The following SOCS1 variants were observed in gnomAD, a reference collection of about 807,000 sequenced individuals.
The protein encoded by SOCS1 is suppressor of cytokine signaling 1, also known as JAK binding protein.
SOCS1 carries 3 observed loss-of-function variants against 9.7 expected under a neutral mutation model. The ratio of observed to expected loss-of-function variants is 0.31; its 90% confidence interval spans 0.14 to 0.80. SOCS1 has a LOEUF of 0.80. Ranked by LOEUF, SOCS1 falls within the 30% of genes least tolerant of loss-of-function variation. The pLI is 0.61. For synonymous variants in SOCS1, 194 were observed against 150.2 expected (o/e 1.29, Z -2.13); for missense variants, 368 against 324.7 (o/e 1.13, Z -1.02).
chr16:11,255,382 G>T lies in SOCS1; in HGVS notation c.97C>A (p.Pro33Thr). The T allele has an allele frequency of 7.5e-7, 1 of 1,338,916 alleles. No individual in the cohort carries two copies. 82.9% of individuals were successfully genotyped at this position (1,338,916 alleles called of 1,614,324 possible). Residue 33 changes from proline to threonine, a missense_variant, in exon 2 of 2, where the codon CCC becomes ACC. Coordinates refer to ENST00000332029, the MANE Select transcript of SOCS1 (RefSeq NM_003745.2). Reference sequence around the variant, plus strand: ...GGCCGCGGGCGCGCGGGGGCCGCGGGCGAGGAGGAGGAAGAGGAGGAAGGT... The same window carrying T: ...GGCCGCGGGCGCGCGGGGGCCGCGGTCGAGGAGGAGGAAGAGGAGGAAGGT... Reference protein sequence around the residue: ...PEPSSSSSSSPAAPARPRPCP... With the variant: ...PEPSSSSSSSTAAPARPRPCP...
Position 11,255,010 on chromosome 16 carries a change from C to T in SOCS1, c.469G>A (p.Ala157Thr), listed in dbSNP as rs755312920. ...GGGGCCCCCAGCATGCGGCGCGGCG[C>T]CGCCACGTAGTGCTCCAGCAGCTCG... ...LFELLEHYVA[A>T]PRRMLGAPLR... Residue 157 changes from alanine to threonine, a missense_variant, in exon 2 of 2, where the codon GCG becomes ACG. By Grantham distance (58) the Ala-to-Thr change is moderately conservative. Transcript: ENST00000332029. 122 of 1,581,396 alleles carry T rather than the reference C, an allele frequency of 7.7e-5. No homozygotes were observed. The Admixed American group carries it at 2.1e-3, about 27-fold the overall frequency.
intron 1 of SOCS1, 113 bp from the exon 2 acceptor site, chr16:11,255,641 C>G (rs2069591288): frequency 5.0e-6 from 2 of 398,000 alleles, no homozygotes; most frequent in South Asian, 1.4e-4. Flanking sequence ...AGGGGGCGAG[C>G]ACGGAGCACC....
rs188754154 is a variant in SOCS1 at position 11,255,517 on chromosome 16, T to A, written c.-39A>T. ...CCAGCCGGAGGGGTGGGCCATAGCG[T>A]CCGGGGGTGCGCTGCGGGAGAGACA... On this transcript the variant is annotated 5_prime_UTR_variant, in exon 2 of 2. Coordinates refer to ENST00000332029, the MANE Select transcript of SOCS1 (RefSeq NM_003745.2). The A allele has an allele frequency of 4.1e-3, 4,877 of 1,191,088 alleles. 17 individuals carry two copies. Among genetic ancestry groups the A allele is most frequent in the Admixed American group, 6.6e-3 (155 of 23,618 alleles). 73.8% of individuals were successfully genotyped at this position (1,191,088 alleles called of 1,614,324 possible).
intron 1 of SOCS1, chr16:11,255,871 G>T (rs916994905): frequency 2.2e-4 from 38 of 171,328 alleles, no homozygotes; most frequent in Non-Finnish European, 4.3e-4. Context: ...TGGGATCCGC[G>T]CCTGGTCTGG....
intron 1 of SOCS1, 31 bp from the exon 2 acceptor site, chr16:11,255,559 C>T (rs996631671): frequency 8.9e-6 from 8 of 897,528 alleles, no homozygotes; most frequent in African/African-American, 8.7e-5. Flanking sequence ...TGAGCTGGGG[C>T]GCTGCGGGGC....
chr16:11,255,750 G>A (rs2069592971), intron 1 of SOCS1: 1 of 313,986 alleles, frequency 3.2e-6, no homozygotes, highest in Non-Finnish European at 5.8e-6. Flanking sequence ...CGGTGGAGGC[G>A]GAGTCCGGCC....
In SOCS1 at chr16:11,254,684, G is replaced by GA; in HGVS notation, c.*158_*159insT. 5.6e-6 allele frequency: 6 copies of GA among 1,065,484 alleles called. No homozygotes were observed. Among genetic ancestry groups the GA allele is most frequent in the Non-Finnish European group, 7.4e-6 (6 of 810,236 alleles). 66.0% of individuals were successfully genotyped at this position (1,065,484 alleles called of 1,614,324 possible). A position where few individuals can be genotyped will look rare whatever the true frequency, so the allele number is the denominator to read the frequency against. On this transcript the variant is annotated 3_prime_UTR_variant, in exon 2 of 2. Coordinates refer to ENST00000332029, the MANE Select transcript of SOCS1 (RefSeq NM_003745.2). ...CCCCTCAAGAGGTGAGAAGGGGTCT[G>GA]CGGCCTCGTCTCCAGCCGAGGGCGG...
In SOCS1 at chr16:11,254,963, C is replaced by G. The variant is rs2141124434; in HGVS notation, c.516G>C (p.Arg172=). The change falls in exon 2 of 2, where the codon CGG becomes CGC. Residue 172 remains arginine, a synonymous_variant. Coordinates refer to ENST00000332029, the MANE Select transcript of SOCS1 (RefSeq NM_003745.2). ...LGAPLRQRRV[R]PLQELCRQRI... ...GCTGGCGGCACAGCTCCTGCAGCGG[C>G]CGCACGCGGCGCTGGCGCAGCGGGG... 6.6e-7 allele frequency: 1 copy of G among 1,510,436 alleles called. No homozygotes were observed. Among genetic ancestry groups the G allele is most frequent in the Non-Finnish European group, 8.8e-7 (1 of 1,135,990 alleles). 93.6% of individuals were successfully genotyped at this position (1,510,436 alleles called of 1,614,324 possible).
At position 11,254,781 on chromosome 16, in the gene SOCS1, C is replaced by G. The variant is rs907461367; in HGVS notation, c.*62G>C. The G allele has an allele frequency of 1.4e-6, 2 of 1,420,164 alleles. No individual in the cohort carries two copies. The highest frequency in any genetic ancestry group is 1.7e-5 in the South Asian group (1 of 59,216). 88.0% of individuals were successfully genotyped at this position (1,420,164 alleles called of 1,614,324 possible). A position where few individuals can be genotyped will look rare whatever the true frequency, so the allele number is the denominator to read the frequency against. The stretch of plus-strand genomic sequence containing the variant: ...GGGAGGGTACCCACATGGTTCCAGG[C>G]AAGTAATAACAAAATAACACGGCAT... On this transcript the variant is annotated 3_prime_UTR_variant, in exon 2 of 2. Transcript: ENST00000332029.
chr16:11,255,682 GAC>G (rs2069592187), intron 1 of SOCS1, 154 bp from the exon 2 acceptor site: 1 of 381,322 alleles, frequency 2.6e-6, no homozygotes, highest in African/African-American at 2.1e-5. Context: ...AGCCTCAGTG[GAC>G]ACAGCTAGAA....
Position 11,255,426 on chromosome 16 carries a change from T to A in SOCS1, c.53A>T (p.Glu18Val), listed in dbSNP as rs755719591. Residue 18 changes from glutamate (E) to valine (V), a missense_variant, in exon 2 of 2, where the codon GAG becomes GTG. Transcript: ENST00000332029. ...GGAAGGTTCTGGCCGCCGTCGGGGC[T>A]CTGCTGCTGTGGAGACTGCATTGTC... ...AADNAVSTAAEPRRRPEPSSS... is the reference protein window; with the variant it reads ...AADNAVSTAAVPRRRPEPSSS... 1.5e-6 allele frequency: 2 copies of A among 1,328,848 alleles called. No homozygotes were observed. The highest frequency in any genetic ancestry group is 1.9e-6 in the Non-Finnish European group (2 of 1,044,730). The allele number at this position is 1,328,848 out of a possible 1,614,324, so 82.3% of individuals were successfully genotyped here. A position where few individuals can be genotyped will look rare whatever the true frequency, so the allele number is the denominator to read the frequency against.
chr16:11,255,083 G>A lies in SOCS1; in HGVS notation c.396C>T (p.Ala132=), dbSNP rs1159372499. ...GPTSIRVHFQ[A]GRFHLDGSRE... ...GGCTGCCATCCAGGTGAAAGCGGCC[G>A]GCCTGAAAGTGCACGCGGATGCTCG... The change falls in exon 2 of 2, where the codon GCC becomes GCT. Residue 132 remains alanine (A), a synonymous_variant. Transcript: ENST00000332029. 6.8e-6 allele frequency: 11 copies of A among 1,609,870 alleles called. No individual in the cohort carries two copies. The highest frequency in any genetic ancestry group is 1.3e-5 in the African/African-American group (1 of 74,302).
At position 11,255,635 on chromosome 16, in the gene SOCS1, G is replaced by A. The variant is rs2069591128; in HGVS notation, c.-50-107C>T. The A allele has an allele frequency of 1.7e-5, 7 of 406,002 alleles. No homozygotes were observed. The South Asian group carries it at 9.3e-4, about 54-fold the overall frequency. The allele number at this position is 406,002 out of a possible 1,614,324, so 25.1% of individuals were successfully genotyped here. The stretch of plus-strand genomic sequence containing the variant: ...GCTCCCGGCGGACCCGGCCCTAGGG[G>A]GCGAGCACGGAGCACCAAGTCCGCG... On this transcript the variant is annotated intron_variant, in intron 1 of 1. Coordinates refer to ENST00000332029, the MANE Select transcript of SOCS1 (RefSeq NM_003745.2).
intron 1 of SOCS1, chr16:11,255,795 G>A (rs1453660108): frequency 2.0e-5 from 5 of 244,812 alleles, no homozygotes; most frequent in Non-Finnish European, 2.4e-5. Flanking sequence ...GTGGAGAGCA[G>A]CCGGTTCTGG....
Position 11,254,755 on chromosome 16 carries a change from G to T in SOCS1, c.*88C>A. The T allele has an allele frequency of 7.2e-7, 1 of 1,381,642 alleles. No individual in the cohort carries two copies. The highest frequency in any genetic ancestry group is 9.4e-7 in the Non-Finnish European group (1 of 1,067,668). The allele number at this position is 1,381,642 out of a possible 1,614,324, so 85.6% of individuals were successfully genotyped here. A position where few individuals can be genotyped will look rare whatever the true frequency, so the allele number is the denominator to read the frequency against. On this transcript the variant is annotated 3_prime_UTR_variant, in exon 2 of 2. Coordinates refer to ENST00000332029, the MANE Select transcript of SOCS1 (RefSeq NM_003745.2). ...CCATCCGCTCCCTCCAACCCAGGCC[G>T]GGGAGGGTACCCACATGGTTCCAGG...
Position 11,255,403 on chromosome 16 carries a change from A to G in SOCS1, c.76T>C (p.Ser26Pro), listed in dbSNP as rs2069586680. ...AAEPRRRPEP[S>P]SSSSSSPAAP... is the part of the protein sequence containing the mutation. Reference sequence around the variant, plus strand: ...GCGGGCGAGGAGGAGGAAGAGGAGGAAGGTTCTGGCCGCCGTCGGGGCTCT... The same window carrying G: ...GCGGGCGAGGAGGAGGAAGAGGAGGGAGGTTCTGGCCGCCGTCGGGGCTCT... The change falls in exon 2 of 2, where the codon TCC becomes CCC. Residue 26 changes from serine to proline, a missense_variant. Transcript: ENST00000332029. 2 of 1,335,474 alleles carry G rather than the reference A, an allele frequency of 1.5e-6. No individual in the cohort carries two copies. The highest frequency in any genetic ancestry group is 4.6e-5 in the South Asian group (2 of 43,956). The allele number at this position is 1,335,474 out of a possible 1,614,324, so 82.7% of individuals were successfully genotyped here. A position where few individuals can be genotyped will look rare whatever the true frequency, so the allele number is the denominator to read the frequency against.
rs200624797 is a variant in SOCS1, at chr16:11,255,464, G to A, written c.15C>T (p.Asn5=). ...AGACTGCATTGTCGGCTGCCACCTG[G>A]TTGTGTGCTACCATCCTACAGAAGG... MVAH[N]QVAADNAVST... is the part of the protein sequence containing the mutation. The change falls in exon 2 of 2, where the codon AAC becomes AAT. Residue 5 remains asparagine (N), a synonymous_variant. Transcript: ENST00000332029. The A allele has an allele frequency of 2.7e-5, 35 of 1,291,704 alleles. No individual in the cohort carries two copies. Among genetic ancestry groups the A allele is most frequent in the Non-Finnish European group, 2.7e-5 (28 of 1,022,936 alleles). The allele number at this position is 1,291,704 out of a possible 1,614,324, so 80.0% of individuals were successfully genotyped here. A position where few individuals can be genotyped will look rare whatever the true frequency, so the allele number is the denominator to read the frequency against.
At position 11,254,896 on chromosome 16, in the gene SOCS1, G is replaced by T; in HGVS notation, c.583C>A (p.Pro195Thr). ...TVGRENLARI[P>T]LNPVLRDYLS... ...TAGTCGCGGAGGACGGGGTTGAGGG[G>T]GATGCGAGCCAGGTTCTCGCGGCCC... The change falls in exon 2 of 2, where the codon CCC becomes ACC. Residue 195 changes from proline (P) to threonine (T), a missense_variant. Pro to Thr is a conservative substitution (Grantham distance 38). Transcript: ENST00000332029. The T allele has an allele frequency of 6.7e-7, 1 of 1,501,490 alleles. No homozygotes were observed. 93.0% of individuals were successfully genotyped at this position (1,501,490 alleles called of 1,614,324 possible).
chr16:11,255,183 C>A lies in SOCS1; in HGVS notation c.296G>T (p.Gly99Val). The change falls in exon 2 of 2, where the codon GGC becomes GTC. Residue 99 changes from glycine (G) to valine (V), a missense_variant. Coordinates refer to ENST00000332029, the MANE Select transcript of SOCS1 (RefSeq NM_003745.2). The part of the protein sequence containing the change: ...AHERLRAEPV[G>V]TFLVRDSRQR... ...GCGGCTGTCGCGCACCAGGAAGGTG[C>A]CCACGGGCTCGGCGCGCAGCCGCTC... is the stretch of plus-strand genomic sequence containing the variant. The A allele has an allele frequency of 6.3e-7, 1 of 1,590,262 alleles. No homozygotes were observed. Among genetic ancestry groups the A allele is most frequent in the African/African-American group, 1.4e-5 (1 of 74,022 alleles).
Sources: allele counts gnomAD v4.1 joint callset, GRCh38; gene constraint gnomAD v4.1.1; transcripts MANE v1.5; gene names NCBI Gene and HGNC (gene_info 2026-07-23, HGNC 2026-07-21).